HERC1: variants seen among roughly 807,000 people sequenced by gnomAD.
The protein encoded by HERC1 is probable E3 ubiquitin-protein ligase HERC1.
In HERC1, 160 loss-of-function variants were observed where a neutral mutation model predicts 554.3. The ratio of observed to expected loss-of-function variants is 0.29; its 90% CI spans 0.25 to 0.33. The LOEUF is 0.33. Ranked by LOEUF, HERC1 falls within the 10% of genes least tolerant of loss-of-function variation. The probability of loss-of-function intolerance (pLI) is 1.00; values close to 1 mark genes in which losing one functional copy is unlikely to be tolerated. For synonymous variants in HERC1, 2,175 were observed against 2,131.7 expected (o/e 1.02, Z -0.56); for missense variants, 4,919 against 5,918.5 (o/e 0.83, Z 5.54).
At chr15:63,725,144 G>A (rs1426532174) in intron 18 of HERC1, 148 bp downstream of exon 18, 15 of 676,798 alleles carry the variant, frequency 2.2e-5, no homozygotes, top group Non-Finnish European at 3.5e-5. Context: ...ATTTTTCTTA[G>A]GGCTCCAAGT....
intron 77 of HERC1, among the ~76,000 whole-genome samples, chr15:63,609,779 C>T (rs2152695634): frequency 6.6e-6 from 1 of 152,184 alleles, no homozygotes; most frequent in East Asian, 1.9e-4. Flanking sequence ...GCCATGGCTG[C>T]CTCGCACAGC....
At chr15:63,698,207 G>A (rs1301635640) in intron 26 of HERC1, among the ~76,000 whole-genome samples, 1 of 152,086 alleles carries the variant, frequency 6.6e-6, no homozygotes, top group East Asian at 1.9e-4. Flanking sequence ...CCTGAGGTCA[G>A]AAGCTCGAGA....
At chr15:63,774,649 C>A in intron 2 of HERC1, 45 bp downstream of exon 2, 2 of 1,438,060 alleles carry the variant, frequency 1.4e-6, no homozygotes, top group Non-Finnish European at 1.9e-6. Flanking sequence ...ATTGACTTTT[C>A]CAAAAACTAT....
At chr15:63,684,092 G>C (rs2071618403) in intron 34 of HERC1, among the ~76,000 whole-genome samples, 1 of 152,186 alleles carries the variant, frequency 6.6e-6, no homozygotes, top group African/African-American at 2.4e-5. Context: ...GTTTCTTGCA[G>C]GTATCCACGA....
intron 64 of HERC1, among the ~76,000 whole-genome samples, chr15:63,636,375 A>T (rs1045879097): frequency 6.7e-6 from 1 of 150,322 alleles, no homozygotes; most frequent in African/African-American, 2.5e-5. Context: ...GGTTCAAGTG[A>T]TTCTCTTGCC....
intron 1 of HERC1, among the ~76,000 whole-genome samples, chr15:63,776,666 A>G (rs999511368): frequency 4.6e-5 from 7 of 152,152 alleles, no homozygotes; most frequent in Admixed American, 4.6e-4. Context: ...CAGGTTGCGC[A>G]TTTGTTAAAA....
At chr15:63,746,767 G>T in intron 12 of HERC1, 151 bp downstream of exon 12, 1 of 669,360 alleles carries the variant, frequency 1.5e-6, no homozygotes, top group Non-Finnish European at 2.5e-6. Flanking sequence ...TCAAGGATGA[G>T]TTAACCAAAA....
intron 18 of HERC1, among the ~76,000 whole-genome samples, chr15:63,724,017 T>C (rs2073934234): frequency 6.6e-6 from 1 of 152,234 alleles, no homozygotes; most frequent in African/African-American, 2.4e-5. Flanking sequence ...AATTATTGTA[T>C]TTTTATAATT....
At chr15:63,632,654 A>C in intron 68 of HERC1, 55 bp downstream of exon 68, 90 of 1,050,336 alleles carry the variant, frequency 8.6e-5, no homozygotes, top group Non-Finnish European at 1.2e-4. Flanking sequence ...TAACACTGGA[A>C]GGCCAATGTT....
In HERC1 at chr15:63,694,288, T is replaced by C. The variant is rs753816516; in HGVS notation, c.5480+24A>G. On this transcript the variant is annotated intron_variant, in intron 29 of 77. Transcript: ENST00000443617. This position sits in a 1 kb window ranked among gnomAD's most constrained non-coding sequence, Gnocchi z 4.3. ...AGGAAGACCAGACTTCATACAGTTC[T>C]ACAAAGACATCTACCATACTTACCC... 1.9e-6 allele frequency: 3 copies of C among 1,598,954 alleles called. No individual in the cohort carries two copies. Among genetic ancestry groups the C allele is most frequent in the Non-Finnish European group, 1.7e-6 (2 of 1,171,910 alleles).
chr15:63,655,597 T>C, intron 50 of HERC1, 145 bp downstream of exon 50: 1 of 597,988 alleles, frequency 1.7e-6, no homozygotes, highest in East Asian at 2.8e-5. Context: ...CCATACACAG[T>C]GAAAAAGTAT....
At chr15:63,617,343 A>AT (rs2067866202) in intron 74 of HERC1, among the ~76,000 whole-genome samples, 1 of 152,118 alleles carries the variant, frequency 6.6e-6, no homozygotes, top group Non-Finnish European at 1.5e-5. Flanking sequence ...TGAACTCATC[A>AT]TTTTTTATGG....
chr15:63,621,778 G>A (rs890003060), intron 74 of HERC1, among the ~76,000 whole-genome samples: 5 of 151,952 alleles, frequency 3.3e-5, no homozygotes, highest in Admixed American at 6.6e-5. Context: ...CCAGTTGATC[G>A]AATCGGTTAC....
At chr15:63,728,312 A>G (rs1334419368) in intron 16 of HERC1, among the ~76,000 whole-genome samples, 1 of 152,220 alleles carries the variant, frequency 6.6e-6, no homozygotes, top group African/African-American at 2.4e-5. Flanking sequence ...CTTTTTTAAA[A>G]ATCAAGATCA....
intron 40 of HERC1, among the ~76,000 whole-genome samples, chr15:63,667,915 C>T (rs914376878): frequency 2.0e-5 from 3 of 152,126 alleles, no homozygotes; most frequent in Admixed American, 6.5e-5. Flanking sequence ...ATAATGAAGA[C>T]TTTTATGATG....
At chr15:63,789,566 G>T (rs1031783026) in intron 1 of HERC1, among the ~76,000 whole-genome samples, 2 of 151,634 alleles carry the variant, frequency 1.3e-5, no homozygotes, top group African/African-American at 4.8e-5. Context: ...GGAAAGCCGA[G>T]GCAGGCAGAT....
At chr15:63,765,528 T>C (rs2075746612) in intron 2 of HERC1, among the ~76,000 whole-genome samples, 2 of 152,104 alleles carry the variant, frequency 1.3e-5, no homozygotes, top group South Asian at 2.1e-4. Context: ...ACATTTACAG[T>C]CTATTCTCTC....
intron 59 of HERC1, among the ~76,000 whole-genome samples, chr15:63,642,137 A>C (rs1473137090): frequency 6.6e-6 from 1 of 152,234 alleles, no homozygotes; most frequent in East Asian, 1.9e-4. Flanking sequence ...TATAAAATGT[A>C]AATCAAATCA....
rs935814273 is a variant in HERC1 at position 63,735,268 on chromosome 15, A to G, written c.2521-419T>C. On this transcript the variant is annotated intron_variant, in intron 12 of 77. Coordinates refer to ENST00000443617, the MANE Select transcript of HERC1 (RefSeq NM_003922.4). ...AGGGTGCAGGAACTTGCTTGAGCAC[A>G]CAAACAGGGCAATTAACATGGCCTA... Among the ~76,000 whole-genome samples the G allele has an allele frequency of 6.6e-5, 10 of 152,096 alleles. No individual in the cohort carries two copies. In the East Asian group the frequency reaches 1.9e-3, roughly 29 times the overall value.
Sources: gnomAD v4.1 joint callset for allele counts (sites outside exome capture counted in the v4.1 genomes callset) on GRCh38, gnomAD v4.1.1 for gene constraint, Gnocchi (gnomAD v3.1) non-coding constraint, MANE v1.5 for transcripts, NCBI Gene and HGNC (gene_info 2026-07-23, HGNC 2026-07-21) for gene names.